Variants in RET observed in about 807,000 individuals in gnomAD.
RET encodes ret proto-oncogene.
In RET, 19 loss-of-function variants were observed where a neutral mutation model predicts 118.3. The ratio of observed to expected loss-of-function variants is 0.16; its 90% CI spans 0.11 to 0.24. RET has a LOEUF of 0.24. RET is among the 10% of genes least tolerant of loss of function. The pLI is 1.00. For missense variants in RET, 1,219 were observed against 1,502.1 expected (o/e 0.81, Z 3.12); for synonymous variants, 597 against 644.1 (o/e 0.93, Z 1.11).
intron 11 of RET, among the ~76,000 whole-genome samples, chr10:43,116,343 G>A (rs1196316911): frequency 6.6e-6 from 1 of 152,184 alleles, no homozygotes; most frequent in African/African-American, 2.4e-5. Flanking sequence ...AGAGAGGGTC[G>A]AAGTACTGAG....
intron 1 of RET, among the ~76,000 whole-genome samples, chr10:43,077,641 C>T (rs2132502855): frequency 6.6e-6 from 1 of 152,264 alleles, no homozygotes; most frequent in South Asian, 2.1e-4. Flanking sequence ...CCGCGCCCTG[C>T]GCCAAAGCCG....
chr10:43,091,646 CCAA>C (rs1287400563), intron 1 of RET, among the ~76,000 whole-genome samples: 1 of 148,538 alleles, frequency 6.7e-6, no homozygotes, highest in Non-Finnish European at 1.5e-5. Context: ...AAAAAAAAAC[CCAA>C]CAACAACAAC....
At chr10:43,096,208 C>T (rs939978960) in intron 1 of RET, among the ~76,000 whole-genome samples, 7 of 152,086 alleles carry the variant, frequency 4.6e-5, no homozygotes, top group African/African-American at 1.7e-4. Context: ...GAGTGTCTGT[C>T]ACCAGACGTG....
At chr10:43,088,610 A>G (rs901450215) in intron 1 of RET, among the ~76,000 whole-genome samples, 1 of 151,936 alleles carries the variant, frequency 6.6e-6, no homozygotes, top group African/African-American at 2.4e-5. Context: ...CTTCATGTGC[A>G]TTAATTCCTT....
At chr10:43,094,097 G>C (rs1370789544) in intron 1 of RET, among the ~76,000 whole-genome samples, 3 of 150,764 alleles carry the variant, frequency 2.0e-5, no homozygotes, top group Admixed American at 6.6e-5. Context: ...GCGGTGGGGG[G>C]GTGGGGGTGG....
At chr10:43,099,257 C>T (rs1316160929) in intron 1 of RET, among the ~76,000 whole-genome samples, 1 of 152,158 alleles carries the variant, frequency 6.6e-6, no homozygotes, top group African/African-American at 2.4e-5. Flanking sequence ...TACCTGTAAT[C>T]CCAGCACTTT....
At chr10:43,092,865 A>G (rs752975) in intron 1 of RET, among the ~76,000 whole-genome samples, 58,574 of 152,094 alleles carry the variant, frequency 0.39, 11,591 homozygotes, top group South Asian at 0.51. Flanking sequence ...ACACAGCTCT[A>G]TCCTGCCACT....
At position 43,110,552 on chromosome 10, in the gene RET, G is replaced by A. The variant is rs897929487; in HGVS notation, c.1264-655G>A. On this transcript the variant is annotated intron_variant, in intron 6 of 19. Coordinates refer to ENST00000355710, the MANE Select transcript of RET (RefSeq NM_020975.6). The stretch of plus-strand genomic sequence containing the variant: ...CTGACTCCAGGTCCTGGCATCCCCA[G>A]GAGAGGCCCCTCTTTCCCAGGGGCT... Among the ~76,000 whole-genome samples the A allele has an allele frequency of 2.6e-5, 4 of 152,180 alleles. No homozygotes were observed. In the East Asian group the frequency reaches 7.7e-4, roughly 29 times the overall value.
intron 1 of RET, among the ~76,000 whole-genome samples, chr10:43,093,292 CCAGGGTTGGA>C (rs1837447749): frequency 6.6e-6 from 1 of 151,958 alleles, no homozygotes; most frequent in Non-Finnish European, 1.5e-5. Flanking sequence ...AGCATGTGGT[CCAGGGTTGGA>C]CAGGGGTGGC....
intron 10 of RET, 100 bp downstream of exon 10, chr10:43,113,775 G>A (rs928545732): frequency 9.8e-6 from 15 of 1,525,990 alleles, no homozygotes; most frequent in Admixed American, 3.8e-5. Flanking sequence ...GCTGGGAGGC[G>A]AGTGGGCCCC....
rs141690599 is a variant in RET, at chr10:43,098,350, A to G, written c.74-2109A>G. The stretch of plus-strand genomic sequence containing the variant: ...ATCGTGCAGTGTTCATCCTTTTGCA[A>G]TGGGCTTATTTCACTTAGCATAATG... On this transcript the variant is annotated intron_variant, in intron 1 of 19. Coordinates refer to ENST00000355710, the MANE Select transcript of RET (RefSeq NM_020975.6). 5.0e-3 allele frequency among the ~76,000 whole-genome samples: 754 copies of G among 151,548 alleles called. 5 individuals carry two copies. Among genetic ancestry groups the G allele is most frequent in the African/African-American group, 0.017 (717 of 41,254 alleles).
chr10:43,090,641 A>G (rs948876719), intron 1 of RET, among the ~76,000 whole-genome samples: 5 of 152,182 alleles, frequency 3.3e-5, no homozygotes, highest in Non-Finnish European at 7.3e-5. Context: ...GTATAAGACA[A>G]ACACAATCCA....
chr10:43,083,551 C>T (rs539172470), intron 1 of RET, among the ~76,000 whole-genome samples: 2 of 152,310 alleles, frequency 1.3e-5, no homozygotes, highest in South Asian at 2.1e-4. Flanking sequence ...AGGGGGCCAC[C>T]GTCACTTTCC....
intron 6 of RET, 61 bp downstream of exon 6, chr10:43,109,291 A>G: frequency 6.5e-7 from 1 of 1,540,442 alleles, no homozygotes; most frequent in Admixed American, 1.7e-5. Flanking sequence ...ATGGGGGCAC[A>G]GGGAGGCAGG....
intron 12 of RET, 46 bp downstream of exon 12, chr10:43,116,777 G>A (rs147601354): frequency 8.7e-7 from 1 of 1,155,750 alleles, no homozygotes; most frequent in East Asian, 2.5e-5. Context: ...AGTCTCCGGG[G>A]CGGGGGGCGG....
At chr10:43,077,666 C>T (rs912927316) in intron 1 of RET, among the ~76,000 whole-genome samples, 30 of 152,282 alleles carry the variant, frequency 2.0e-4, no homozygotes, top group African/African-American at 6.7e-4. Flanking sequence ...CTGGAGCAAA[C>T]GGGACAGCCG....
rs146049841 is a variant in RET at position 43,128,260 on chromosome 10, T to C, written c.3336T>C (p.Phe1112=). The C allele has an allele frequency of 9.9e-6, 16 of 1,614,068 alleles. No individual in the cohort carries two copies. In the African/African-American group the frequency reaches 1.9e-4, roughly 19 times the overall value. ...CAGCGGCAAAATTAATGGACACGTT[T>C]GATAGTTAACATTTCTTTGTGAAAG... ...SPSAAKLMDT[F]DS is the part of the protein sequence containing the mutation. Residue 1112 remains phenylalanine (F), a synonymous_variant, in exon 20 of 20, where the codon TTT becomes TTC. Transcript: ENST00000355710.
At chr10:43,119,977 G>A (rs1048971244) in intron 14 of RET, 104 bp from the exon 15 acceptor site, 47 of 1,540,428 alleles carry the variant, frequency 3.1e-5, no homozygotes, top group African/African-American at 8.2e-5. Flanking sequence ...TCACCAGGCC[G>A]CTACCCGGGC....
rs1564496520 is a variant in RET at position 43,114,687 on chromosome 10, C to T, written c.2087C>T (p.Ser696Leu). 6.2e-7 allele frequency: 1 copy of T among 1,612,364 alleles called. No individual in the cohort carries two copies. The highest frequency in any genetic ancestry group is 8.5e-7 in the Non-Finnish European group (1 of 1,179,936). Residue 696 changes from serine (S) to leucine (L), a missense_variant, in exon 11 of 20, where the codon TCG becomes TTG. Around this residue, in one of 5 missense-constraint regions of RET, gnomAD observed 850 missense variants for 969.6 expected, o/e 0.88. Transcript: ENST00000355710. This position sits in a 1 kb window ranked among gnomAD's most constrained non-coding sequence, Gnocchi z 4.6. ...SYSSSGARRP[S>L]LDSMENQVSV... ...TCCTCTTCCGGTGCCCGCCGGCCCT[C>T]GCTGGACTCCATGGAGAACCAGGTC...
Sources: gnomAD v4.1 joint callset for allele counts (sites outside exome capture counted in the v4.1 genomes callset) on GRCh38, gnomAD v4.1.1 for gene constraint, gnomAD v4.1.1 regional missense constraint, Gnocchi (gnomAD v3.1) non-coding constraint, MANE v1.5 for transcripts, NCBI Gene and HGNC (gene_info 2026-07-23, HGNC 2026-07-21) for gene names.